PTN: variants seen among roughly 807,000 people sequenced by gnomAD.
PTN encodes the protein pleiotrophin.
In PTN, 18 loss-of-function variants were observed where a neutral mutation model predicts 24.1. The observed-to-expected ratio is 0.75, with a 90% CI of 0.52 to 1.11. The LOEUF (loss-of-function observed/expected upper bound fraction) is 1.11, where lower values mean the gene tolerates loss of function less well. Among genes scored for constraint, PTN ranks in the 50% least tolerant of loss-of-function variants. The pLI is 0.00. For missense variants in PTN, 163 were observed against 198.8 expected, an observed-to-expected ratio of 0.82 and a Z score of 1.08; for synonymous variants, 78 against 68.6, an observed-to-expected ratio of 1.14 and a Z score of -0.67.
chr7:137,286,833 A>G (rs552668846), intron 1 of PTN, among the ~76,000 whole-genome samples: 1 of 152,302 alleles, frequency 6.6e-6, no homozygotes, highest in East Asian at 1.9e-4. Flanking sequence ...GTTGGACTAA[A>G]TAAGCCTTAA....
At chr7:137,317,220 C>T (rs902251836) in intron 1 of PTN, among the ~76,000 whole-genome samples, 1 of 152,212 alleles carries the variant, frequency 6.6e-6, no homozygotes, top group Admixed American at 6.5e-5. Flanking sequence ...TCTGCTTCCT[C>T]TGCTCCTGGG....
At chr7:137,309,265 A>G (rs1809942585) in intron 1 of PTN, among the ~76,000 whole-genome samples, 1 of 152,230 alleles carries the variant, frequency 6.6e-6, no homozygotes, top group Non-Finnish European at 1.5e-5. Context: ...TGTCTTAAAA[A>G]AGTATTTATC....
intron 4 of PTN, among the ~76,000 whole-genome samples, chr7:137,250,389 T>C (rs1181167100): frequency 2.0e-5 from 3 of 152,330 alleles, no homozygotes; most frequent in East Asian, 1.9e-4. Context: ...TATTTCTGTG[T>C]CCTAATCTCC....
chr7:137,230,764 A>G (rs1333711544), intron 4 of PTN, among the ~76,000 whole-genome samples: 1 of 151,922 alleles, frequency 6.6e-6, no homozygotes, highest in Non-Finnish European at 1.5e-5. Context: ...AAATAGTATC[A>G]CAAAATCTAT....
chr7:137,297,318 T>G (rs1415458857), intron 1 of PTN, among the ~76,000 whole-genome samples: 1 of 152,106 alleles, frequency 6.6e-6, no homozygotes, highest in Non-Finnish European at 1.5e-5. Context: ...ACTGTGGATA[T>G]CTAAGACACT....
intron 3 of PTN, 38 bp from the exon 4 acceptor site, chr7:137,251,429 G>T (rs767747827): frequency 6.3e-7 from 1 of 1,595,420 alleles, no homozygotes; most frequent in East Asian, 2.2e-5. Flanking sequence ...ATCCTTGAAA[G>T]ATCCTATCGT....
At chr7:137,255,859 A>AAG (rs1209525099) in intron 1 of PTN, among the ~76,000 whole-genome samples, 1 of 152,236 alleles carries the variant, frequency 6.6e-6, no homozygotes, top group African/African-American at 2.4e-5. Flanking sequence ...GCTACACCAT[A>AAG]TCATGGCTGC....
At chr7:137,326,859 A>G (rs1810270969) in intron 1 of PTN, 1 of 152,150 alleles carries the variant, frequency 6.6e-6, no homozygotes, top group African/African-American at 2.4e-5. Context: ...AAAAACAGGG[A>G]CTGTGTCATA....
chr7:137,237,001 ATCTT>A (rs1808533851), intron 4 of PTN, among the ~76,000 whole-genome samples: 1 of 152,160 alleles, frequency 6.6e-6, no homozygotes, highest in Non-Finnish European at 1.5e-5. Context: ...TACCAAATAA[ATCTT>A]TCTTTTGGTT....
intron 1 of PTN, among the ~76,000 whole-genome samples, chr7:137,277,958 C>G (rs890929514): frequency 2.0e-5 from 3 of 151,972 alleles, no homozygotes; most frequent in Admixed American, 6.6e-5. Context: ...TAGATAGATG[C>G]AACAGCATGT....
At chr7:137,336,155 C>T (rs1374809819) in intron 1 of PTN, among the ~76,000 whole-genome samples, 2 of 152,154 alleles carry the variant, frequency 1.3e-5, no homozygotes, top group African/African-American at 4.8e-5. Flanking sequence ...CAGTTTAGAG[C>T]TTACAGATGT....
intron 1 of PTN, among the ~76,000 whole-genome samples, chr7:137,303,512 T>TA (rs1490867410): frequency 3.9e-5 from 6 of 151,940 alleles, no homozygotes; most frequent in Admixed American, 1.3e-4. Flanking sequence ...GCTTAAGATA[T>TA]AAAAAAATTC....
intron 1 of PTN, among the ~76,000 whole-genome samples, chr7:137,284,041 A>C (rs903056557): frequency 7.9e-6 from 1 of 126,232 alleles, no homozygotes; most frequent in Non-Finnish European, 1.6e-5. Context: ...ATCTCGGCTC[A>C]CTGCAAGCTC....
chr7:137,270,802 A>G (rs1215476762), intron 1 of PTN, among the ~76,000 whole-genome samples: 2 of 152,212 alleles, frequency 1.3e-5, no homozygotes, highest in Admixed American at 6.5e-5. Context: ...ATTTGTGACA[A>G]GAAAATTAAA....
At chr7:137,233,840 T>C (rs761681634) in intron 4 of PTN, among the ~76,000 whole-genome samples, 22 of 151,374 alleles carry the variant, frequency 1.5e-4, no homozygotes, top group Non-Finnish European at 1.8e-4. Flanking sequence ...AAAATATTAA[T>C]TACTTGTCTC....
rs772500360 is a variant in PTN at position 137,251,404 on chromosome 7, T to C, written c.290-13A>G. On this transcript the variant is annotated splice_polypyrimidine_tract_variant and intron_variant, in intron 3 of 4. Coordinates refer to ENST00000348225, the MANE Select transcript of PTN (RefSeq NM_002825.7). ...TATTTGCACTCCGCTAAAGGCAGGG[T>C]AGAACCAAACAGAAATCCTTGAAAG... The C allele has an allele frequency of 3.1e-6, 5 of 1,611,018 alleles. No individual in the cohort carries two copies. Among genetic ancestry groups the C allele is most frequent in the African/African-American group, 1.3e-5 (1 of 74,822 alleles).
At chr7:137,271,331 G>C (rs1360845494) in intron 1 of PTN, among the ~76,000 whole-genome samples, 1 of 152,034 alleles carries the variant, frequency 6.6e-6, no homozygotes, top group Admixed American at 6.5e-5. Context: ...GTTCTGACTT[G>C]GTAATATAGT....
chr7:137,227,895 GT>G lies in PTN; in HGVS notation c.*124del. On this transcript the variant is annotated 3_prime_UTR_variant, in exon 5 of 5. Coordinates refer to ENST00000348225, the MANE Select transcript of PTN (RefSeq NM_002825.7). ...ACTACAAAAATTTTCTTTTCTTTTT[GT>G]TTTTGCTTATTGTGTACTTAGCTAT... The G allele has an allele frequency of 3.7e-6, 5 of 1,335,724 alleles. No individual in the cohort carries two copies. The highest frequency in any genetic ancestry group is 5.0e-6 in the Non-Finnish European group (5 of 1,005,948). 82.7% of individuals were successfully genotyped at this position (1,335,724 alleles called of 1,614,324 possible).
intron 1 of PTN, among the ~76,000 whole-genome samples, chr7:137,296,857 C>A (rs1033527382): frequency 2.0e-5 from 3 of 152,002 alleles, no homozygotes; most frequent in Non-Finnish European, 2.9e-5. Context: ...CCCCCCAAAT[C>A]GAAGCAGATT....
Sources: allele counts gnomAD v4.1 joint callset (sites outside exome capture counted in the v4.1 genomes callset), GRCh38; gene constraint gnomAD v4.1.1; transcripts MANE v1.5; gene names NCBI Gene and HGNC (gene_info 2026-07-23, HGNC 2026-07-21).